ACBD6: variants seen among roughly 807,000 people sequenced by gnomAD.
The protein encoded by ACBD6 is acyl-CoA binding domain containing 6.
ACBD6 carries 28 observed loss-of-function variants against 37.2 expected under a neutral mutation model. That is an observed-to-expected ratio of 0.75 (90% CI 0.56 to 1.03). ACBD6 has a LOEUF of 1.03. ACBD6 is among the 50% of genes least tolerant of loss of function. The pLI, the probability that ACBD6 is intolerant of heterozygous loss-of-function variation, is 0.00. For synonymous variants in ACBD6, 113 were observed against 126.8 expected, an observed-to-expected ratio of 0.89 and a Z score of 0.73; for missense variants, 340 against 337.4, an observed-to-expected ratio of 1.01 and a Z score of -0.06.
At chr1:180,484,143 T>C (rs926363394) in intron 3 of ACBD6, among the ~76,000 whole-genome samples, 10 of 152,212 alleles carry the variant, frequency 6.6e-5, no homozygotes, top group Non-Finnish European at 1.2e-4. Flanking sequence ...GGTTACCTCA[T>C]GGCTCAGGGC....
At chr1:180,412,932 G>A (rs1190358080) in intron 5 of ACBD6, among the ~76,000 whole-genome samples, 1 of 152,044 alleles carries the variant, frequency 6.6e-6, no homozygotes, top group Non-Finnish European at 1.5e-5. Flanking sequence ...TAATTAGTAG[G>A]CCAGCATTTA....
chr1:180,424,681 A>G (rs1314873368), intron 4 of ACBD6, among the ~76,000 whole-genome samples: 1 of 152,206 alleles, frequency 6.6e-6, no homozygotes, highest in Non-Finnish European at 1.5e-5. Flanking sequence ...CCACATACAG[A>G]TAAGGATATG....
intron 6 of ACBD6, among the ~76,000 whole-genome samples, chr1:180,337,354 A>C (rs537987245): frequency 0.13 from 20,037 of 151,832 alleles, 2,186 homozygotes; most frequent in African/African-American, 0.3. Flanking sequence ...TCAACATACA[A>C]AAATCAATAA....
chr1:180,474,368 A>G (rs1650702027), intron 3 of ACBD6, among the ~76,000 whole-genome samples: 1 of 152,210 alleles, frequency 6.6e-6, no homozygotes, highest in Admixed American at 6.5e-5. Flanking sequence ...AGCCCTAGAA[A>G]AGAGCACCAG....
intron 3 of ACBD6, among the ~76,000 whole-genome samples, chr1:180,433,561 T>C (rs1246313015): frequency 6.7e-6 from 1 of 149,454 alleles, no homozygotes; most frequent in Non-Finnish European, 1.5e-5. Flanking sequence ...TAAAAGGCAT[T>C]TGTGGTGTTA....
At chr1:180,388,275 C>T (rs1333903529) in intron 6 of ACBD6, among the ~76,000 whole-genome samples, 2 of 152,000 alleles carry the variant, frequency 1.3e-5, no homozygotes, top group East Asian at 3.9e-4. Context: ...TTCTTCTAAC[C>T]CTTTAGTCTT....
chr1:180,384,134 T>TAA (rs199936146), intron 6 of ACBD6, among the ~76,000 whole-genome samples: 1 of 141,124 alleles, frequency 7.1e-6, no homozygotes, highest in Non-Finnish European at 1.6e-5. Context: ...AAGCAGAGAT[T>TAA]AAAAAAAAAA....
At chr1:180,291,575 G>A (rs1386950479) in intron 7 of ACBD6, among the ~76,000 whole-genome samples, 1 of 151,734 alleles carries the variant, frequency 6.6e-6, no homozygotes, top group East Asian at 1.9e-4. Flanking sequence ...CTTATAAGAG[G>A]TCTTTATATG....
intron 7 of ACBD6, among the ~76,000 whole-genome samples, chr1:180,302,799 T>C (rs28892286): frequency 1.1e-3 from 159 of 149,188 alleles, no homozygotes; most frequent in African/African-American, 3.8e-3. Context: ...CAACAGAATA[T>C]ACATTCCTCT....
At chr1:180,388,543 C>T (rs1653941404) in intron 6 of ACBD6, among the ~76,000 whole-genome samples, 1 of 152,064 alleles carries the variant, frequency 6.6e-6, no homozygotes, top group Non-Finnish European at 1.5e-5. Context: ...AACAAACTGT[C>T]AGAACTAATA....
intron 6 of ACBD6, among the ~76,000 whole-genome samples, chr1:180,349,121 T>C (rs1425888417): frequency 1.3e-5 from 2 of 151,898 alleles, no homozygotes; most frequent in Admixed American, 1.3e-4. Flanking sequence ...TTTATTTAAC[T>C]TAATTTTTCT....
At chr1:180,342,722 G>A (rs1226422600) in intron 6 of ACBD6, among the ~76,000 whole-genome samples, 1 of 151,926 alleles carries the variant, frequency 6.6e-6, no homozygotes, top group African/African-American at 2.4e-5. Context: ...ATGAGTATAA[G>A]CCCAAACATT....
At chr1:180,463,852 T>C (rs1409310278) in intron 3 of ACBD6, among the ~76,000 whole-genome samples, 5 of 152,164 alleles carry the variant, frequency 3.3e-5, no homozygotes, top group Non-Finnish European at 7.3e-5. Flanking sequence ...AAAAAGCTTA[T>C]CCACCATGAT....
chr1:180,428,171 A>G lies in ACBD6; in HGVS notation c.467+2009T>C, dbSNP rs1055597170. Among the ~76,000 whole-genome samples, 4 of 152,166 alleles carry G rather than the reference A, an allele frequency of 2.6e-5. No homozygotes were observed. In the East Asian group the frequency reaches 7.7e-4, roughly 29 times the overall value. The stretch of plus-strand genomic sequence containing the variant: ...TGTTCAGAATATGAAGATTTAGATG[A>G]TATCATAAGACTAATACTTAATGAA... On this transcript the variant is annotated intron_variant, in intron 4 of 7. Transcript: ENST00000367595.
At chr1:180,417,109 A>G (rs536384781) in intron 4 of ACBD6, among the ~76,000 whole-genome samples, 13 of 152,310 alleles carry the variant, frequency 8.5e-5, no homozygotes, top group African/African-American at 3.1e-4. Context: ...CCTCAAACTA[A>G]GGAATTTGTG....
chr1:180,405,270 C>T (rs944850756), intron 5 of ACBD6, among the ~76,000 whole-genome samples: 6 of 13,864 alleles, frequency 4.3e-4, no homozygotes, highest in African/African-American at 1.8e-3. Flanking sequence ...CAAAAGCATG[C>T]AAATTGTATT....
intron 7 of ACBD6, among the ~76,000 whole-genome samples, chr1:180,307,296 T>C (rs1650419407): frequency 1.3e-5 from 2 of 151,996 alleles, no homozygotes; most frequent in Admixed American, 6.6e-5. Flanking sequence ...TTGTGGGGGC[T>C]AAAAATAAAA....
intron 3 of ACBD6, among the ~76,000 whole-genome samples, chr1:180,450,653 G>A (rs939532437): frequency 3.3e-5 from 5 of 152,082 alleles, no homozygotes; most frequent in Non-Finnish European, 5.9e-5. Flanking sequence ...CCAGCTATTC[G>A]GGAGGCTGAG....
chr1:180,394,128 C>G lies in ACBD6; in HGVS notation c.663+3388G>C, dbSNP rs74372641. 6.1e-3 allele frequency among the ~76,000 whole-genome samples: 929 copies of G among 152,284 alleles called. 17 individuals are homozygous for G. The highest frequency in any genetic ancestry group is 0.021 in the African/African-American group (888 of 41,558). ...TTTTTTAGAGACAGGGTCTTATGCTCTGTCACCCAGGATGGAATGCAGTGG... is the reference window on the plus strand; with the variant it reads ...TTTTTTAGAGACAGGGTCTTATGCTGTGTCACCCAGGATGGAATGCAGTGG... On this transcript the variant is annotated intron_variant, in intron 6 of 7. Coordinates refer to ENST00000367595, the MANE Select transcript of ACBD6 (RefSeq NM_032360.4).
Sources: allele counts gnomAD v4.1 joint callset (sites outside exome capture counted in the v4.1 genomes callset), GRCh38; gene constraint gnomAD v4.1.1; transcripts MANE v1.5; gene names NCBI Gene and HGNC (gene_info 2026-07-23, HGNC 2026-07-21).